The following CEP128 variants were observed in gnomAD, a reference collection of about 807,000 sequenced individuals.
The protein encoded by CEP128 is centrosomal protein 128, also known as centrosomal protein 128kDa.
In CEP128, 132 loss-of-function variants were observed where a neutral mutation model predicts 156.7. The observed-to-expected ratio is 0.84, with a 90% CI of 0.73 to 0.97. The LOEUF (loss-of-function observed/expected upper bound fraction) is 0.97. Among genes scored for constraint, CEP128 ranks in the 50% least tolerant of loss-of-function variants. The pLI is 0.00. For missense variants in CEP128, 1,252 were observed against 1,281.9 expected (o/e 0.98, Z 0.36); for synonymous variants, 469 against 448.9 (o/e 1.04, Z -0.57).
chr14:80,597,854 A>G (rs1566802343), intron 19 of CEP128, among the ~76,000 whole-genome samples: 1 of 151,434 alleles, frequency 6.6e-6, no homozygotes, highest in Non-Finnish European at 1.5e-5. Context: ...ACAGGATCAT[A>G]TCAATCAATG....
At chr14:80,493,417 T>C (rs1887390833), downstream of CEP128, among the ~76,000 whole-genome samples, 3 of 152,176 alleles carry the variant, frequency 2.0e-5, no homozygotes, top group South Asian at 6.2e-4. Context: ...AGATGATATA[T>C]TGTTTCAAAC....
intron 8 of CEP128, among the ~76,000 whole-genome samples, chr14:80,883,849 C>G (rs1888666677): frequency 6.6e-6 from 1 of 152,036 alleles, no homozygotes; most frequent in Non-Finnish European, 1.5e-5. Context: ...CTATAGTAAC[C>G]AAAACAGCAT....
At chr14:80,891,135 A>C (rs1889078496) in intron 8 of CEP128, among the ~76,000 whole-genome samples, 1 of 152,156 alleles carries the variant, frequency 6.6e-6, no homozygotes, top group African/African-American at 2.4e-5. Context: ...CTATTTTGAG[A>C]ACAGTATGGA....
chr14:80,824,162 G>A (rs777613495), intron 13 of CEP128, among the ~76,000 whole-genome samples: 26 of 152,212 alleles, frequency 1.7e-4, no homozygotes, highest in Non-Finnish European at 3.5e-4. Context: ...GAGCAGCTGG[G>A]ATGCAGGGCA....
At position 80,541,443 on chromosome 14, in the gene CEP128, T is replaced by TAAAAAA. The variant is rs35523389; in HGVS notation, c.2881-10563_2881-10558dup. 3.8e-4 allele frequency among the ~76,000 whole-genome samples: 42 copies of TAAAAAA among 109,906 alleles called. 1 individual carries two copies. Among genetic ancestry groups the TAAAAAA allele is most frequent in the African/African-American group, 8.4e-4 (22 of 26,234 alleles). 72.1% of individuals were successfully genotyped at this position (109,906 alleles called of 152,430 possible). ...CAGAAAGTGAAGCTAATGACTGTGT[T>TAAAAAA]AAAAAAAAAAAAAAAAAAAAAACCA... On this transcript the variant is annotated intron_variant, in intron 21 of 24. Transcript: ENST00000555265.
intron 19 of CEP128, among the ~76,000 whole-genome samples, chr14:80,700,110 A>G (rs1348925228): frequency 6.6e-6 from 1 of 152,184 alleles, no homozygotes; most frequent in East Asian, 1.9e-4. Flanking sequence ...ATTCAATACT[A>G]TAACGCTAGT....
intron 13 of CEP128, among the ~76,000 whole-genome samples, chr14:80,800,433 A>T (rs1485224915): frequency 6.6e-6 from 1 of 152,250 alleles, no homozygotes; most frequent in African/African-American, 2.4e-5. Context: ...AGATCAGGAA[A>T]TTGAGGCACA....
At chr14:80,734,190 A>G (rs1002207469) in intron 19 of CEP128, among the ~76,000 whole-genome samples, 4 of 152,206 alleles carry the variant, frequency 2.6e-5, no homozygotes, top group South Asian at 4.1e-4. Flanking sequence ...TACTGCTACA[A>G]AGGACAACTA....
intron 20 of CEP128, among the ~76,000 whole-genome samples, chr14:80,561,913 T>TATATATATATATA (rs1566781226): frequency 3.4e-5 from 5 of 148,410 alleles, no homozygotes; most frequent in Non-Finnish European, 5.9e-5. Flanking sequence ...TATATATATA[T>TATATATATATATA]TTGTTTTGTT....
chr14:80,935,558 A>G lies in CEP128; in HGVS notation c.-16+3827T>C, dbSNP rs771696891. 8.6e-5 allele frequency among the ~76,000 whole-genome samples: 6 copies of G among 69,938 alleles called. No individual in the cohort carries two copies. The South Asian group carries it at 2.1e-3, about 25-fold the overall frequency. The allele number at this position is 69,938 out of a possible 152,430, so 45.9% of individuals were successfully genotyped here. A position where few individuals can be genotyped will look rare whatever the true frequency, so the allele number is the denominator to read the frequency against. ...TAAGACAGAGTAAGAGTCTGTCTCA[A>G]TAAATAAATAAATAAATAAATAAAT... On this transcript the variant is annotated intron_variant, in intron 2 of 24. Coordinates refer to ENST00000555265, the MANE Select transcript of CEP128 (RefSeq NM_152446.5).
intron 8 of CEP128, among the ~76,000 whole-genome samples, chr14:80,888,788 G>A (rs1389139311): frequency 3.3e-5 from 5 of 152,118 alleles, no homozygotes; most frequent in South Asian, 2.1e-4. Flanking sequence ...AGGGCAATCA[G>A]GCAAGAGAAA....
chr14:80,834,408 G>A (rs1885968535), intron 12 of CEP128, among the ~76,000 whole-genome samples: 1 of 152,154 alleles, frequency 6.6e-6, no homozygotes, highest in Non-Finnish European at 1.5e-5. Context: ...ATCATGCAAA[G>A]TCAATTTTAC....
intron 11 of CEP128, 66 bp from the exon 12 acceptor site, chr14:80,836,403 T>A (rs1317474026): frequency 1.3e-6 from 2 of 1,572,664 alleles, no homozygotes. Flanking sequence ...TCAAATGGGC[T>A]ATTGTAAACA....
At chr14:80,930,444 A>G (rs548458138) in intron 2 of CEP128, among the ~76,000 whole-genome samples, 57 of 152,366 alleles carry the variant, frequency 3.7e-4, no homozygotes, top group African/African-American at 1.3e-3. Flanking sequence ...CAAAATGAGT[A>G]AAAAACAAAT....
Position 80,603,622 on chromosome 14 carries a change from C to T in CEP128, c.2807-23199G>A, listed in dbSNP as rs527689114. 9.9e-5 allele frequency among the ~76,000 whole-genome samples: 15 copies of T among 152,260 alleles called. No individual in the cohort carries two copies. In the South Asian group the frequency reaches 1.7e-3, roughly 17 times the overall value. ...CTTGTCCATCTACTCCTCCTTCCTC[C>T]GCTCTAAAATAGACACAATTAATAG... On this transcript the variant is annotated intron_variant, in intron 19 of 24. Coordinates refer to ENST00000555265, the MANE Select transcript of CEP128 (RefSeq NM_152446.5).
At chr14:80,603,954 T>C (rs763109133) in intron 19 of CEP128, among the ~76,000 whole-genome samples, 1 of 152,204 alleles carries the variant, frequency 6.6e-6, no homozygotes, top group Non-Finnish European at 1.5e-5. Flanking sequence ...ATCAATTCAG[T>C]GAAATGTTGT....
At chr14:80,912,383 T>C (rs1351821708) in intron 4 of CEP128, among the ~76,000 whole-genome samples, 1 of 152,166 alleles carries the variant, frequency 6.6e-6, no homozygotes, top group Non-Finnish European at 1.5e-5. Flanking sequence ...ATAATTTAAT[T>C]TCCCAACTGC....
intron 19 of CEP128, among the ~76,000 whole-genome samples, chr14:80,683,101 C>A (rs1896386569): frequency 6.6e-6 from 1 of 152,082 alleles, no homozygotes; most frequent in Non-Finnish European, 1.5e-5. Context: ...AACAACTTCA[C>A]AACAGGATCA....
chr14:80,766,391 A>G (rs1900241047), intron 16 of CEP128, among the ~76,000 whole-genome samples: 1 of 152,220 alleles, frequency 6.6e-6, no homozygotes, highest in Non-Finnish European at 1.5e-5. Flanking sequence ...TTCAAAAGAT[A>G]AGAAATGCTG....
Sources: gnomAD v4.1 joint callset for allele counts (sites outside exome capture counted in the v4.1 genomes callset) on GRCh38, gnomAD v4.1.1 for gene constraint, MANE v1.5 for transcripts, NCBI Gene and HGNC (gene_info 2026-07-23, HGNC 2026-07-21) for gene names.